ZNF644: variants seen among roughly 807,000 people sequenced by gnomAD.
ZNF644 encodes the protein zinc finger motif enhancer binding protein 2.
ZNF644 carries 20 observed loss-of-function variants against 108.0 expected under a neutral mutation model. The ratio of observed to expected loss-of-function variants is 0.19; its 90% CI spans 0.13 to 0.27. ZNF644 has a LOEUF of 0.27. ZNF644 is among the 10% of genes least tolerant of loss of function. ZNF644 has a pLI of 1.00. For missense variants in ZNF644, 1,338 were observed against 1,548.9 expected, an observed-to-expected ratio of 0.86 and a Z score of 2.29; for synonymous variants, 542 against 539.1, an observed-to-expected ratio of 1.01 and a Z score of -0.08.
Position 90,930,076 on chromosome 1 carries a change from C to T in ZNF644, c.3688+7409G>A, listed in dbSNP as rs1014735723. ...CCCAGGCGGGTGGATCACCTAAAGT[C>T]AGGAGTTCGAGACCAGCCTGACCAA... On this transcript the variant is annotated intron_variant, in intron 4 of 5. Coordinates refer to ENST00000337393, the MANE Select transcript of ZNF644 (RefSeq NM_201269.3). Among the ~76,000 whole-genome samples, 6 of 152,212 alleles carry T rather than the reference C, an allele frequency of 3.9e-5. No individual in the cohort carries two copies. The South Asian group carries it at 1.2e-3, about 32-fold the overall frequency.
chr1:90,985,315 A>G (rs1040017511), intron 1 of ZNF644, among the ~76,000 whole-genome samples: 14 of 152,170 alleles, frequency 9.2e-5, no homozygotes, highest in African/African-American at 2.4e-5. Context: ...TTTTTGTGGT[A>G]AAACACTTAA....
chr1:90,969,950 A>G (rs772990619), intron 2 of ZNF644, among the ~76,000 whole-genome samples: 31 of 152,210 alleles, frequency 2.0e-4, no homozygotes, highest in Non-Finnish European at 3.7e-4. Context: ...GATGTTTTAA[A>G]TCACACTGCA....
chr1:90,948,700 G>A (rs1652773579), intron 2 of ZNF644, among the ~76,000 whole-genome samples: 2 of 152,132 alleles, frequency 1.3e-5, no homozygotes, highest in African/African-American at 4.8e-5. Context: ...AAAAATCCAC[G>A]TTTAAGTGGA....
At chr1:91,021,050 G>T (rs539343954) in intron 1 of ZNF644, 3 of 152,164 alleles carry the variant, frequency 2.0e-5, no homozygotes, top group Non-Finnish European at 2.9e-5. Context: ...TAGAAGTCTC[G>T]TAACAAGTAA....
chr1:90,927,358 G>C (rs1184614148), intron 4 of ZNF644, among the ~76,000 whole-genome samples: 1 of 152,120 alleles, frequency 6.6e-6, no homozygotes, highest in Non-Finnish European at 1.5e-5. Flanking sequence ...GAAAAAATCA[G>C]CCGATCATTT....
At chr1:90,923,692 C>G (rs1452978274) in intron 4 of ZNF644, among the ~76,000 whole-genome samples, 1 of 152,090 alleles carries the variant, frequency 6.6e-6, no homozygotes, top group African/African-American at 2.4e-5. Flanking sequence ...ATAAGTAACT[C>G]AATCACACAG....
chr1:90,936,239 C>T (rs1461071508), intron 4 of ZNF644, among the ~76,000 whole-genome samples: 1 of 152,194 alleles, frequency 6.6e-6, no homozygotes, highest in Non-Finnish European at 1.5e-5. Flanking sequence ...ACAATCCTCA[C>T]TCCCCCAACA....
intron 4 of ZNF644, among the ~76,000 whole-genome samples, chr1:90,936,350 C>T (rs1370506360): frequency 6.6e-6 from 1 of 152,158 alleles, no homozygotes; most frequent in Non-Finnish European, 1.5e-5. Context: ...CACATCTTCC[C>T]TGCGTTTTAC....
At chr1:90,944,367 A>G (rs1190774481) in intron 2 of ZNF644, among the ~76,000 whole-genome samples, 4 of 152,218 alleles carry the variant, frequency 2.6e-5, no homozygotes, top group East Asian at 1.9e-4. Context: ...TAGAAAAAAT[A>G]TATGTGCATA....
chr1:90,994,899 CGTGGCT>C (rs1463262028), intron 1 of ZNF644, among the ~76,000 whole-genome samples: 1 of 152,050 alleles, frequency 6.6e-6, no homozygotes, highest in Admixed American at 6.5e-5. Flanking sequence ...CAGAGATGGC[CGTGGCT>C]GCATACATCA....
At chr1:90,934,688 T>C (rs989253119) in intron 4 of ZNF644, among the ~76,000 whole-genome samples, 1 of 152,222 alleles carries the variant, frequency 6.6e-6, no homozygotes, top group East Asian at 1.9e-4. Flanking sequence ...TTAACACTTA[T>C]GTGCATAGCT....
chr1:90,950,344 G>C (rs958447755), intron 2 of ZNF644, among the ~76,000 whole-genome samples: 2 of 147,156 alleles, frequency 1.4e-5, no homozygotes, highest in African/African-American at 5.1e-5. Context: ...GAAAAGAAAA[G>C]AAAAGAAAAG....
chr1:90,938,745 G>A lies in ZNF644; in HGVS notation c.2609C>T (p.Thr870Ile). 6.2e-7 allele frequency: 1 copy of A among 1,613,886 alleles called. No homozygotes were observed. Among genetic ancestry groups the A allele is most frequent in the Non-Finnish European group, 8.5e-7 (1 of 1,179,902 alleles). Reference protein sequence around the residue: ...SWDNVELGDYTTQAIEDETYS... With the variant: ...SWDNVELGDYITQAIEDETYS... ...GGTTTCATCTTCTATGGCCTGTGTA[G>A]TGTAGTCTCCTAACTCAACATTATC... The change falls in exon 3 of 6, where the codon ACT becomes ATT. Residue 870 changes from threonine (T) to isoleucine (I), a missense_variant. Around this residue, in one of 6 missense-constraint regions of ZNF644, gnomAD observed 462 missense variants for 472.6 expected, o/e 0.98. Coordinates refer to ENST00000337393, the MANE Select transcript of ZNF644 (RefSeq NM_201269.3). This position sits in a 1 kb window ranked among gnomAD's most constrained non-coding sequence, Gnocchi z 4.2.
chr1:90,919,030 AT>A (rs1247448962), intron 4 of ZNF644, among the ~76,000 whole-genome samples: 1 of 152,054 alleles, frequency 6.6e-6, no homozygotes, highest in African/African-American at 2.4e-5. Flanking sequence ...TGTTCTTGAA[AT>A]TTTTCCATTA....
Position 90,915,892 on chromosome 1 carries a change from C to A in ZNF644, c.*906G>T, listed in dbSNP as rs1648712557. ...TGAGCATTGTTTATTAATTACATTTCTACAATGTTAAATAAAGTAAGAGGC... is the reference window on the plus strand; with the variant it reads ...TGAGCATTGTTTATTAATTACATTTATACAATGTTAAATAAAGTAAGAGGC... On this transcript the variant is annotated 3_prime_UTR_variant, in exon 6 of 6. Transcript: ENST00000337393. The A allele has an allele frequency of 6.6e-6, 1 of 152,474 alleles. No homozygotes were observed. The allele number at this position is 152,474 out of a possible 1,614,324, so 9.4% of individuals were successfully genotyped here.
intron 1 of ZNF644, among the ~76,000 whole-genome samples, chr1:91,003,865 C>A (rs1456164791): frequency 1.3e-5 from 2 of 151,358 alleles, no homozygotes; most frequent in Non-Finnish European, 2.9e-5. Flanking sequence ...GTCTAAAAAA[C>A]TAAAAGAAAG....
At position 90,941,229 on chromosome 1, in the gene ZNF644, A is replaced by T; in HGVS notation, c.125T>A (p.Leu42His). The T allele has an allele frequency of 6.2e-7, 1 of 1,604,222 alleles. No homozygotes were observed. The highest frequency in any genetic ancestry group is 2.2e-5 in the East Asian group (1 of 44,842). The change falls in exon 3 of 6, where the codon CTC (leucine) becomes CAC (histidine). Residue 42 changes from leucine (L) to histidine (H), a missense_variant. Around this residue, in one of 6 missense-constraint regions of ZNF644, gnomAD observed 464 missense variants for 457.9 expected, o/e 1.01. Transcript: ENST00000337393. ...NTDITGAKEE[L>H]LDDNNFISDK... ...TGAGATAAAATTGTTGTCATCTAGG[A>T]GTTCTTCTTTAGCACCAGTAATATC... is the stretch of plus-strand genomic sequence containing the variant.
chr1:91,013,451 TCACACACA>T lies in ZNF644; in HGVS notation c.-18+8531_-18+8538del, dbSNP rs10590932. 3.3e-3 allele frequency among the ~76,000 whole-genome samples: 456 copies of T among 140,022 alleles called. 5 individuals carry two copies. Among genetic ancestry groups the T allele is most frequent in the South Asian group, 0.03 (129 of 4,342 alleles). The allele number at this position is 140,022 out of a possible 152,430, so 91.9% of individuals were successfully genotyped here. A position where few individuals can be genotyped will look rare whatever the true frequency, so the allele number is the denominator to read the frequency against. On this transcript the variant is annotated intron_variant, in intron 1 of 5. Transcript: ENST00000337393. ...CCAATATATATTTCCAATCTCTCTC[TCACACACA>T]CACACACACACACACACACACACAT...
chr1:91,002,225 AT>A (rs1340716778), intron 1 of ZNF644, among the ~76,000 whole-genome samples: 3 of 152,216 alleles, frequency 2.0e-5, no homozygotes, highest in Non-Finnish European at 4.4e-5. Flanking sequence ...CGCCAAGTCA[AT>A]CCTAAGCCAA....
Sources: allele counts gnomAD v4.1 joint callset (sites outside exome capture counted in the v4.1 genomes callset), GRCh38; gene constraint gnomAD v4.1.1; regional missense constraint gnomAD v4.1.1; non-coding constraint Gnocchi (gnomAD v3.1); transcripts MANE v1.5; gene names NCBI Gene and HGNC (gene_info 2026-07-23, HGNC 2026-07-21).